The following EXOC3L2 variants were observed in gnomAD, a reference collection of about 807,000 sequenced individuals.
EXOC3L2 encodes the protein exocyst complex component 3 like 2.
Under a neutral mutation model 44.4 loss-of-function variants are expected in EXOC3L2, and 17 were observed. That is an observed-to-expected ratio of 0.38 (90% CI 0.26 to 0.57). The LOEUF (loss-of-function observed/expected upper bound fraction) is 0.57. Among genes scored for constraint, EXOC3L2 ranks in the 20% least tolerant of loss-of-function variants. The pLI is 0.65. For missense variants in EXOC3L2, 541 were observed against 588.4 expected (o/e 0.92, Z 0.83); for synonymous variants, 256 against 253.7 (o/e 1.01, Z -0.09).
At chr19:45,229,331 A>G (rs916741612) in intron 4 of EXOC3L2, among the ~76,000 whole-genome samples, 2 of 145,260 alleles carry the variant, frequency 1.4e-5, no homozygotes, top group African/African-American at 2.5e-5. Context: ...ATATACATAT[A>G]TTTATGTATT....
chr19:45,236,586 A>G (rs1329471265), intron 2 of EXOC3L2, among the ~76,000 whole-genome samples: 4 of 150,890 alleles, frequency 2.7e-5, no homozygotes, highest in Non-Finnish European at 4.4e-5. Flanking sequence ...ATGGGGGTTT[A>G]GGACTGGGAC....
intron 2 of EXOC3L2, among the ~76,000 whole-genome samples, chr19:45,237,642 C>T (rs1226334633): frequency 1.3e-5 from 2 of 151,732 alleles, no homozygotes; most frequent in East Asian, 1.9e-4. Flanking sequence ...GACACTGGGG[C>T]TTGGAGTAGG....
At position 45,234,357 on chromosome 19, in the gene EXOC3L2, C is replaced by T. The variant is rs1314245201; in HGVS notation, c.993G>A (p.Arg331=). The T allele has an allele frequency of 5.7e-6, 2 of 353,194 alleles. No individual in the cohort carries two copies. The highest frequency in any genetic ancestry group is 1.0e-5 in the Non-Finnish European group (2 of 196,850). 21.9% of individuals were successfully genotyped at this position (353,194 alleles called of 1,614,324 possible). A position where few individuals can be genotyped will look rare whatever the true frequency, so the allele number is the denominator to read the frequency against. Residue 331 remains arginine (R), a synonymous_variant, in exon 3 of 12, where the codon CGG becomes CGA. Transcript: ENST00000413988. This position sits in a 1 kb window ranked among gnomAD's most constrained non-coding sequence, Gnocchi z 5.0. The part of the protein sequence containing the change: ...ARLLEDMAVV[R]GRLAPAYPAG... Reference sequence around the variant, plus strand: ...CGGGGTAGGCGGGCGCCAGGCGGCCCCGCACCACGGCCATATCCTCCAGCA... The same window carrying T: ...CGGGGTAGGCGGGCGCCAGGCGGCCTCGCACCACGGCCATATCCTCCAGCA...
chr19:45,227,788 G>C lies in EXOC3L2; in HGVS notation c.1473-16C>G, dbSNP rs201465315. The C allele has an allele frequency of 2.5e-6, 4 of 1,602,238 alleles. No individual in the cohort carries two copies. The East Asian group carries it at 9.0e-5, about 36-fold the overall frequency. On this transcript the variant is annotated splice_polypyrimidine_tract_variant and intron_variant, in intron 6 of 11. Transcript: ENST00000413988. ...CTGCTGGAAGCTGGTGGGAGGAAAG[G>C]GGACAGATAGGGCGCCACTGGGTCA... is the stretch of plus-strand genomic sequence containing the variant.
At position 45,245,012 on chromosome 19, in the gene EXOC3L2, C is replaced by T. The variant is rs536971156; in HGVS notation, c.-17+329G>A. On this transcript the variant is annotated intron_variant, in intron 1 of 11. Transcript: ENST00000413988. ...CGATCCTTCCTGGCCTCAGTCTTCCCGCCCAGACTCGCAGGACATTCGACC... is the reference window on the plus strand; with the variant it reads ...CGATCCTTCCTGGCCTCAGTCTTCCTGCCCAGACTCGCAGGACATTCGACC... 2.6e-5 allele frequency among the ~76,000 whole-genome samples: 4 copies of T among 152,064 alleles called. No individual in the cohort carries two copies. In the East Asian group the frequency reaches 5.8e-4, roughly 22 times the overall value.
At chr19:45,217,178 C>T (rs1381627775) in intron 10 of EXOC3L2, among the ~76,000 whole-genome samples, 1 of 152,146 alleles carries the variant, frequency 6.6e-6, no homozygotes, top group Non-Finnish European at 1.5e-5. Context: ...TGAGCCACCA[C>T]ACCCGGATAA....
At chr19:45,233,141 G>A (rs920471932) in intron 3 of EXOC3L2, among the ~76,000 whole-genome samples, 1 of 152,112 alleles carries the variant, frequency 6.6e-6, no homozygotes, top group South Asian at 2.1e-4. Context: ...ACTTGAACCC[G>A]GGAGGCGGAG....
At chr19:45,220,699 T>C (rs1339187597) in intron 8 of EXOC3L2, among the ~76,000 whole-genome samples, 1 of 151,478 alleles carries the variant, frequency 6.6e-6, no homozygotes, top group African/African-American at 2.4e-5. Context: ...GGATTGCACA[T>C]GGCCTCCTGG....
intron 8 of EXOC3L2, among the ~76,000 whole-genome samples, chr19:45,221,606 G>A (rs1396532955): frequency 2.0e-5 from 3 of 149,218 alleles, no homozygotes; most frequent in Admixed American, 2.0e-4. Context: ...CTCCCAAAGT[G>A]CTGAGATTAT....
chr19:45,225,772 G>A (rs775727784), intron 7 of EXOC3L2, among the ~76,000 whole-genome samples: 2 of 151,660 alleles, frequency 1.3e-5, no homozygotes, highest in African/African-American at 4.8e-5. Context: ...ACAGGCACCC[G>A]CCACCACACC....
At chr19:45,233,733 G>C (rs1039227472) in intron 3 of EXOC3L2, among the ~76,000 whole-genome samples, 4 of 152,216 alleles carry the variant, frequency 2.6e-5, no homozygotes, top group African/African-American at 9.6e-5. Flanking sequence ...GTGTTACTTA[G>C]ATGCTAGGAG....
intron 11 of EXOC3L2, among the ~76,000 whole-genome samples, chr19:45,214,458 G>GTTTT (rs1213554618): frequency 1.3e-5 from 2 of 150,426 alleles, no homozygotes; most frequent in African/African-American, 5.0e-5. Context: ...TTTTTTGTGT[G>GTTTT]TTTGTTTGTT....
In EXOC3L2 at chr19:45,213,238, G is replaced by C; in HGVS notation, c.2240C>G (p.Pro747Arg). ...ELSEEGALSP[P>R]RDRAFFADIP... ...GTCTGCAAAGAAGGCACGGTCCCGA[G>C]GGGGTGACAGGGCTCCCTCCTCAGA... Residue 747 changes from proline to arginine, a missense_variant, in exon 12 of 12, where the codon CCT (proline) becomes CGT (arginine). Coordinates refer to ENST00000413988, the MANE Select transcript of EXOC3L2 (RefSeq NM_001382422.1). 6.2e-7 allele frequency: 1 copy of C among 1,613,154 alleles called. No homozygotes were observed. The highest frequency in any genetic ancestry group is 8.5e-7 in the Non-Finnish European group (1 of 1,179,540).
intron 11 of EXOC3L2, 80 bp downstream of exon 11, chr19:45,215,993 G>A: frequency 2.5e-6 from 4 of 1,569,280 alleles, no homozygotes; most frequent in South Asian, 1.2e-5. Context: ...CAGGAGGCAG[G>A]AAGCACAGGG....
rs1308577377 is a variant in EXOC3L2, at chr19:45,234,675, C to A, written c.675G>T (p.Arg225=). 1.1e-5 allele frequency: 4 copies of A among 379,090 alleles called. No homozygotes were observed. Among genetic ancestry groups the A allele is most frequent in the Admixed American group, 9.1e-5 (2 of 21,938 alleles). The allele number at this position is 379,090 out of a possible 1,614,324, so 23.5% of individuals were successfully genotyped here. Residue 225 remains arginine, a synonymous_variant, in exon 3 of 12, where the codon CGG becomes CGT. Transcript: ENST00000413988. This position sits in a 1 kb window ranked among gnomAD's most constrained non-coding sequence, Gnocchi z 5.0. ...GGGCCTCGTACAGCAGCGCCACGTCCCGCGCCCGGCGGCCCCCGCCAGCGC... is the reference window on the plus strand; with the variant it reads ...GGGCCTCGTACAGCAGCGCCACGTCACGCGCCCGGCGGCCCCCGCCAGCGC... ...AEGAGGGRRA[R]DVALLYEALQ...
At chr19:45,213,380 G>A (rs758075637) in intron 11 of EXOC3L2, 23 bp from the exon 12 acceptor site, 4 of 1,610,452 alleles carry the variant, frequency 2.5e-6, no homozygotes, top group Non-Finnish European at 2.5e-6. Context: ...GAACAGACAG[G>A]TGCATGCAGA....
chr19:45,230,945 C>T (rs1371849984), intron 4 of EXOC3L2, among the ~76,000 whole-genome samples: 12 of 151,450 alleles, frequency 7.9e-5, no homozygotes, highest in Non-Finnish European at 1.5e-4. Flanking sequence ...TTAAATTATC[C>T]AGGCATGGTG....
At chr19:45,215,566 G>T (rs557562819) in intron 11 of EXOC3L2, among the ~76,000 whole-genome samples, 1 of 150,258 alleles carries the variant, frequency 6.7e-6, no homozygotes, top group South Asian at 2.1e-4. Flanking sequence ...TATAGTCATG[G>T]ATGATGATGA....
rs572030251 is a variant in EXOC3L2 at position 45,240,998 on chromosome 19, C to T, written c.-16-1937G>A. Among the ~76,000 whole-genome samples the T allele has an allele frequency of 7.2e-5, 11 of 152,302 alleles. No individual in the cohort carries two copies. In the East Asian group the frequency reaches 1.9e-3, roughly 27 times the overall value. Reference sequence around the variant, plus strand: ...GACACAGCAGTGGCCAGGGCAGCCCCCATCCCTGCCATTACAGCTTCCTGA... The same window carrying T: ...GACACAGCAGTGGCCAGGGCAGCCCTCATCCCTGCCATTACAGCTTCCTGA... On this transcript the variant is annotated intron_variant, in intron 1 of 11. Coordinates refer to ENST00000413988, the MANE Select transcript of EXOC3L2 (RefSeq NM_001382422.1).
Sources: allele counts gnomAD v4.1 joint callset (sites outside exome capture counted in the v4.1 genomes callset), GRCh38; gene constraint gnomAD v4.1.1; non-coding constraint Gnocchi (gnomAD v3.1); transcripts MANE v1.5; gene names NCBI Gene and HGNC (gene_info 2026-07-23, HGNC 2026-07-21).